Variants in GRIA4 observed in about 807,000 individuals in gnomAD.
The protein encoded by GRIA4 is glutamate receptor 4.
A neutral mutation model predicts 104.0 loss-of-function variants in GRIA4; 34 were observed. The observed-to-expected ratio is 0.33, with a 90% confidence interval of 0.25 to 0.44. The LOEUF is 0.44. GRIA4 is among the 20% of genes least tolerant of loss of function. GRIA4 has a pLI of 1.00. For missense variants in GRIA4, 750 were observed against 1,096.5 expected (o/e 0.68, Z 4.46); for synonymous variants, 386 against 381.9 (o/e 1.01, Z -0.13).
chr11:105,799,666 T>C (rs1178301998), intron 4 of GRIA4, among the ~76,000 whole-genome samples: 1 of 152,084 alleles, frequency 6.6e-6, no homozygotes, highest in Non-Finnish European at 1.5e-5. Flanking sequence ...CATGAACAGA[T>C]ATAGTGGTAG....
At chr11:105,730,357 C>T (rs1938510684) in intron 3 of GRIA4, among the ~76,000 whole-genome samples, 1 of 152,092 alleles carries the variant, frequency 6.6e-6, no homozygotes, top group African/African-American at 2.4e-5. Flanking sequence ...AACTACAAAC[C>T]ACTGCTCAAG....
intron 14 of GRIA4, among the ~76,000 whole-genome samples, chr11:105,935,225 T>C (rs1031173875): frequency 6.6e-6 from 1 of 152,086 alleles, no homozygotes; most frequent in Admixed American, 6.6e-5. Context: ...GTGAGGGGTT[T>C]TATAGTATGT....
At chr11:105,657,869 C>T (rs1951890106) in intron 3 of GRIA4, among the ~76,000 whole-genome samples, 1 of 151,666 alleles carries the variant, frequency 6.6e-6, no homozygotes, top group Non-Finnish European at 1.5e-5. Context: ...GTATTTTTTT[C>T]TTTAAAGGAG....
At chr11:105,802,101 C>T (rs977063854) in intron 4 of GRIA4, among the ~76,000 whole-genome samples, 3 of 152,056 alleles carry the variant, frequency 2.0e-5, no homozygotes, top group African/African-American at 4.8e-5. Flanking sequence ...ATCAAAGAGA[C>T]TCATCAGTTT....
Position 105,830,301 on chromosome 11 carries a change from C to T in GRIA4, c.488-31723C>T, listed in dbSNP as rs116069099. Among the ~76,000 whole-genome samples, 1,358 of 152,086 alleles carry T rather than the reference C, an allele frequency of 8.9e-3. 26 individuals are homozygous for T. Among genetic ancestry groups the T allele is most frequent in the African/African-American group, 0.03 (1,258 of 41,520 alleles). ...TGGGAAACTAGTGCAGTGGCTTGGT[C>T]TCAAAGATGATGAGGATATGAACTA... On this transcript the variant is annotated intron_variant, in intron 4 of 16. Transcript: ENST00000282499.
chr11:105,760,414 C>G (rs1350116591), intron 4 of GRIA4, among the ~76,000 whole-genome samples: 1 of 152,090 alleles, frequency 6.6e-6, no homozygotes, highest in African/African-American at 2.4e-5. Flanking sequence ...CTCCTTAAAT[C>G]CAACTTCTAT....
At chr11:105,631,850 G>A (rs924878710) in intron 3 of GRIA4, among the ~76,000 whole-genome samples, 1 of 152,276 alleles carries the variant, frequency 6.6e-6, no homozygotes, top group Non-Finnish European at 1.5e-5. Flanking sequence ...GGAGGGGCCA[G>A]ATTTTATAAA....
intron 4 of GRIA4, among the ~76,000 whole-genome samples, chr11:105,813,112 A>AAC (rs1565256566): frequency 7.6e-5 from 11 of 145,346 alleles, no homozygotes; most frequent in Non-Finnish European, 9.0e-5. Flanking sequence ...AAAAAAAAAA[A>AAC]AAAGAAGAAA....
intron 4 of GRIA4, among the ~76,000 whole-genome samples, chr11:105,806,629 A>G (rs995085088): frequency 6.6e-6 from 1 of 151,884 alleles, no homozygotes; most frequent in African/African-American, 2.4e-5. Context: ...TGTGCCATGA[A>G]GAAAACAGGC....
intron 14 of GRIA4, among the ~76,000 whole-genome samples, chr11:105,934,838 G>C (rs1947986042): frequency 6.6e-6 from 1 of 152,090 alleles, no homozygotes; most frequent in South Asian, 2.1e-4. Context: ...GATGGGGCTG[G>C]ATCCCATCAA....
intron 14 of GRIA4, 130 bp from the exon 15 acceptor site, chr11:105,971,782 GGC>G: frequency 1.9e-6 from 1 of 516,702 alleles, no homozygotes; most frequent in South Asian, 2.5e-5. Context: ...TCTAAACCTG[GGC>G]CTACAGTACA....
intron 3 of GRIA4, among the ~76,000 whole-genome samples, chr11:105,697,439 C>T (rs1953322295): frequency 6.6e-6 from 1 of 152,124 alleles, no homozygotes; most frequent in Non-Finnish European, 1.5e-5. Context: ...CCTGACTCTG[C>T]TAAAAGGTGG....
chr11:105,807,813 T>C (rs1419590623), intron 4 of GRIA4, among the ~76,000 whole-genome samples: 1 of 151,884 alleles, frequency 6.6e-6, no homozygotes, highest in Non-Finnish European at 1.5e-5. Context: ...CCATATTTTA[T>C]CTTCTACTCT....
In GRIA4 at chr11:105,842,279, T is replaced by C. The variant is rs73554239; in HGVS notation, c.488-19745T>C. On this transcript the variant is annotated intron_variant, in intron 4 of 16. Coordinates refer to ENST00000282499, the MANE Select transcript of GRIA4 (RefSeq NM_000829.4). ...GAATGACATTGTAAGGACTCTTTCC[T>C]TTGCCCTGAGGGACATGGAAAGCTA... Among the ~76,000 whole-genome samples the C allele has an allele frequency of 3.5e-3, 531 of 152,304 alleles. 3 individuals carry two copies. The highest frequency in any genetic ancestry group is 0.012 in the African/African-American group (498 of 41,580).
At chr11:105,725,150 AT>A (rs1310672164) in intron 3 of GRIA4, among the ~76,000 whole-genome samples, 1 of 152,196 alleles carries the variant, frequency 6.6e-6, no homozygotes, top group Non-Finnish European at 1.5e-5. Flanking sequence ...ATAATTAAAT[AT>A]ATAGAATAAT....
At chr11:105,922,472 T>C (rs529437747) in intron 11 of GRIA4, among the ~76,000 whole-genome samples, 3 of 152,266 alleles carry the variant, frequency 2.0e-5, no homozygotes, top group South Asian at 4.1e-4. Context: ...AAAGCATGTG[T>C]TAGGATTTGT....
chr11:105,760,014 A>G (rs1189721830), intron 4 of GRIA4, among the ~76,000 whole-genome samples: 1 of 152,152 alleles, frequency 6.6e-6, no homozygotes, highest in Non-Finnish European at 1.5e-5. Context: ...TTCCACTTAT[A>G]TAACAATGAC....
At chr11:105,752,053 A>C (rs961579250) in intron 3 of GRIA4, among the ~76,000 whole-genome samples, 2 of 152,216 alleles carry the variant, frequency 1.3e-5, no homozygotes, top group Admixed American at 1.3e-4. Flanking sequence ...GTCCCTTAAA[A>C]TATAAATTGG....
At chr11:105,819,430 C>G (rs890209577) in intron 4 of GRIA4, among the ~76,000 whole-genome samples, 1 of 152,114 alleles carries the variant, frequency 6.6e-6, no homozygotes, top group South Asian at 2.1e-4. Flanking sequence ...AACATGCACT[C>G]AATTAATTTT....
Sources: allele counts gnomAD v4.1 joint callset (sites outside exome capture counted in the v4.1 genomes callset), GRCh38; gene constraint gnomAD v4.1.1; transcripts MANE v1.5; gene names NCBI Gene and HGNC (gene_info 2026-07-23, HGNC 2026-07-21).